Variants in AKR1C3 observed in about 807,000 individuals in gnomAD.
AKR1C3 encodes 3-alpha hydroxysteroid dehydrogenase, type II.
Under a neutral mutation model 43.6 loss-of-function variants are expected in AKR1C3, and 48 were observed. That is an observed-to-expected ratio of 1.10 (90% confidence interval 0.87 to 1.40). The LOEUF is 1.40. Among genes scored for constraint, AKR1C3 ranks in the 40% most tolerant of loss-of-function variants. AKR1C3 has a pLI of 0.00. For synonymous variants in AKR1C3, 162 were observed against 139.6 expected (o/e 1.16, Z -1.13); for missense variants, 482 against 391.2 (o/e 1.23, Z -1.96).
At chr10:5,054,387 T>C (rs1838216579) in intron 1 of AKR1C3, among the ~76,000 whole-genome samples, 1 of 152,196 alleles carries the variant, frequency 6.6e-6, no homozygotes, top group Non-Finnish European at 1.5e-5. Context: ...GTTGTATGGC[T>C]CTGCACTGAC....
intron 1 of AKR1C3, among the ~76,000 whole-genome samples, chr10:5,086,836 T>G (rs1838976425): frequency 6.6e-6 from 1 of 152,202 alleles, no homozygotes; most frequent in East Asian, 1.9e-4. Context: ...TGTAGTGGCC[T>G]TCTTTGTCTC....
chr10:5,062,854 T>TAAA lies in AKR1C3; in HGVS notation c.84+13973_84+13975dup, dbSNP rs57602420. Reference sequence around the variant, plus strand: ...CCTCTATTTCCACAGAACTCCTAGTTAAAAAAAAAAAAAAAAGGAAAGAAA... The same window carrying TAAA: ...CCTCTATTTCCACAGAACTCCTAGTTAAAAAAAAAAAAAAAAAAAGGAAAGAAA... On this transcript the variant is annotated intron_variant, in intron 1 of 8. Transcript: ENST00000439082. Among the ~76,000 whole-genome samples, 258 of 138,532 alleles carry TAAA rather than the reference T, an allele frequency of 1.9e-3. 1 individual carries two copies. Among genetic ancestry groups the TAAA allele is most frequent in the Non-Finnish European group, 2.6e-3 (165 of 64,608 alleles). 90.9% of individuals were successfully genotyped at this position (138,532 alleles called of 152,430 possible). A position where few individuals can be genotyped will look rare whatever the true frequency, so the allele number is the denominator to read the frequency against.
At chr10:5,088,475 A>C (rs117248788) in intron 1 of AKR1C3, among the ~76,000 whole-genome samples, 2,189 of 152,102 alleles carry the variant, frequency 0.014, 20 homozygotes, top group Non-Finnish European at 0.021. Flanking sequence ...TCTTAGGTGT[A>C]GTAGTATTTC....
rs146665327 is a variant in AKR1C3, at chr10:5,057,547, C to T, written c.84+8652C>T. On this transcript the variant is annotated intron_variant, in intron 1 of 8. Coordinates refer to the AKR1C3 transcript ENST00000439082. ...GTGACGGGAGTATAATTTCTTAAGG[C>T]CTCATGTAGCCACTCAAGGAAGGCA... 1.4e-4 allele frequency among the ~76,000 whole-genome samples: 21 copies of T among 152,276 alleles called. No individual in the cohort carries two copies. In the East Asian group the frequency reaches 3.9e-3, roughly 28 times the overall value.
intron 1 of AKR1C3, among the ~76,000 whole-genome samples, chr10:5,060,299 C>A (rs1258351485): frequency 1.3e-5 from 2 of 152,206 alleles, no homozygotes; most frequent in African/African-American, 4.8e-5. Context: ...TTTCTGGTCC[C>A]ACCCACATCC....
At chr10:5,106,262 G>A (rs1343702764) in intron 8 of AKR1C3, among the ~76,000 whole-genome samples, 2 of 152,150 alleles carry the variant, frequency 1.3e-5, no homozygotes, top group African/African-American at 4.8e-5. Context: ...GAATAGGAGC[G>A]CTTGTCCTTG....
Position 5,096,366 on chromosome 10 carries a change from C to T in AKR1C3, c.85-44C>T, listed in dbSNP as rs35174293. On this transcript the variant is annotated intron_variant, in intron 1 of 8. Coordinates refer to ENST00000380554, the MANE Select transcript of AKR1C3 (RefSeq NM_003739.6). ...CAATGCTTGTGCCTGAACTACCTCT[C>T]AGCCACAGTGATCACCAGATACTAC... 1,255 of 1,593,934 alleles carry T rather than the reference C, an allele frequency of 7.9e-4. 10 individuals are homozygous for T. In the Middle Eastern group the frequency reaches 0.014, roughly 17 times the overall value.
intron 7 of AKR1C3, among the ~76,000 whole-genome samples, chr10:5,104,410 CA>C (rs1554786749): frequency 1.2e-5 from 1 of 83,396 alleles, no homozygotes; most frequent in East Asian, 3.3e-4. Context: ...ATAAATGAAA[CA>C]TTCATTCACA....
At chr10:5,063,748 G>C (rs1554780484) in intron 1 of AKR1C3, among the ~76,000 whole-genome samples, 2 of 66,682 alleles carry the variant, frequency 3.0e-5, no homozygotes, top group African/African-American at 1.0e-4. Context: ...GGAGGACAGA[G>C]GTAGTCTCTG....
chr10:5,052,845 T>A (rs1341383049), intron 1 of AKR1C3, among the ~76,000 whole-genome samples: 1 of 152,134 alleles, frequency 6.6e-6, no homozygotes, highest in Non-Finnish European at 1.5e-5. Context: ...AGGGTGCTGA[T>A]TGGTGTGTTT....
At chr10:5,075,665 G>A (rs1838701129) in intron 1 of AKR1C3, among the ~76,000 whole-genome samples, 1 of 151,972 alleles carries the variant, frequency 6.6e-6, no homozygotes, top group Non-Finnish European at 1.5e-5. Context: ...ACCTGAGGTT[G>A]GGAGTTTGAG....
chr10:5,062,719 T>A (rs1564355468), intron 1 of AKR1C3, among the ~76,000 whole-genome samples: 1 of 152,268 alleles, frequency 6.6e-6, no homozygotes, highest in East Asian at 1.9e-4. Context: ...AAATGTCGAA[T>A]TTCTTTAGCA....
chr10:5,104,752 ATTTT>A (rs1839456829), intron 7 of AKR1C3, among the ~76,000 whole-genome samples: 1 of 152,182 alleles, frequency 6.6e-6, no homozygotes, highest in South Asian at 2.1e-4. Context: ...TATATCATTA[ATTTT>A]ATAACATTCT....
intron 1 of AKR1C3, among the ~76,000 whole-genome samples, chr10:5,053,821 T>C (rs1838206648): frequency 6.6e-6 from 1 of 152,206 alleles, no homozygotes; most frequent in Admixed American, 6.5e-5. Flanking sequence ...AGCAGGTTGG[T>C]CCAGGGGTCC....
intron 6 of AKR1C3, 35 bp downstream of exon 6, chr10:5,102,245 C>T: frequency 2.5e-6 from 4 of 1,596,738 alleles, no homozygotes; most frequent in African/African-American, 1.3e-5. Flanking sequence ...CATAAACCTT[C>T]ATTTTGCAGA....
chr10:5,068,966 A>C (rs1482407305), intron 1 of AKR1C3, among the ~76,000 whole-genome samples: 2 of 152,264 alleles, frequency 1.3e-5, no homozygotes, highest in Admixed American at 6.5e-5. Context: ...TTACATTTTC[A>C]AGACAACTGT....
rs782310912 is a variant in AKR1C3, at chr10:5,098,883, A to C, written c.447+4A>C. 6 of 1,608,864 alleles carry C rather than the reference A, an allele frequency of 3.7e-6. No individual in the cohort carries two copies. In the Admixed American group the frequency reaches 1.0e-4, roughly 27 times the overall value. ...GGATCTCTGTACCACCTGGGAGGTG[A>C]GTGCTTGGCGGAGAGGACACAGAGA... On this transcript the variant is annotated splice_donor_region_variant and intron_variant, in intron 4 of 8. Coordinates refer to ENST00000380554, the MANE Select transcript of AKR1C3 (RefSeq NM_003739.6).
chr10:5,098,527 C>T lies in AKR1C3; in HGVS notation c.370-275C>T, dbSNP rs145698618. Among the ~76,000 whole-genome samples, 1,263 of 152,208 alleles carry T rather than the reference C, an allele frequency of 8.3e-3. 8 individuals are homozygous for T. The highest frequency in any genetic ancestry group is 0.012 in the Non-Finnish European group (832 of 68,018). The stretch of plus-strand genomic sequence containing the variant: ...ACTTCAATAGAGGAAATTATAAGGG[C>T]GGAATAAAGTGACATAAGTCAACTG... On this transcript the variant is annotated intron_variant, in intron 3 of 8. Coordinates refer to ENST00000380554, the MANE Select transcript of AKR1C3 (RefSeq NM_003739.6).
intron 1 of AKR1C3, among the ~76,000 whole-genome samples, chr10:5,072,397 AT>A (rs1285082520): frequency 6.6e-6 from 1 of 152,198 alleles, no homozygotes; most frequent in African/African-American, 2.4e-5. Flanking sequence ...CCTGTTGCCA[AT>A]AAGGATAGAG....
Sources: gnomAD v4.1 joint callset for allele counts (sites outside exome capture counted in the v4.1 genomes callset) on GRCh38, gnomAD v4.1.1 for gene constraint, MANE v1.5 for transcripts, NCBI Gene and HGNC (gene_info 2026-07-23, HGNC 2026-07-21) for gene names.